CREBRF: variants seen among roughly 807,000 people sequenced by gnomAD.
CREBRF encodes the protein UPF0474 protein C5orf41.
In CREBRF, 5 loss-of-function variants were observed where a neutral mutation model predicts 66.1. That is an observed-to-expected ratio of 0.08 (90% CI 0.04 to 0.16). The LOEUF (loss-of-function observed/expected upper bound fraction) is 0.16, where lower values mean the gene tolerates loss of function less well. Ranked by LOEUF, CREBRF falls within the 10% of genes least tolerant of loss-of-function variation. The probability of loss-of-function intolerance (pLI) is 1.00; values close to 1 mark genes in which losing one functional copy is unlikely to be tolerated. For missense variants in CREBRF, 531 were observed against 744.9 expected, an observed-to-expected ratio of 0.71 and a Z score of 3.34; for synonymous variants, 229 against 264.4, an observed-to-expected ratio of 0.87 and a Z score of 1.30.
At chr5:173,078,132 A>G (rs899048353) in intron 1 of CREBRF, among the ~76,000 whole-genome samples, 1 of 152,224 alleles carries the variant, frequency 6.6e-6, no homozygotes, top group Non-Finnish European at 1.5e-5. Flanking sequence ...TTTTTGAAGA[A>G]ATACCAAACC....
At chr5:173,068,805 A>G (rs892299871) in intron 1 of CREBRF, among the ~76,000 whole-genome samples, 2 of 151,970 alleles carry the variant, frequency 1.3e-5, no homozygotes, top group African/African-American at 4.8e-5. Context: ...GCGGTGGCTC[A>G]CGCCTGTAAT....
At position 173,123,143 on chromosome 5, in the gene CREBRF, G is replaced by A. The variant is rs759020433; in HGVS notation, c.1745G>A (p.Arg582Lys). ...ATTGTAAACCGGGTACAGAATCCAA[G>A]AGATGAGAGAGGACCCAACATGGGG... ...QEIVNRVQNP[R>K]DERGPNMGQK... Residue 582 changes from arginine (R) to lysine (K), a missense_variant, in exon 8 of 9, where the codon AGA (arginine) becomes AAA (lysine). Transcript: ENST00000296953. 2 of 1,605,754 alleles carry A rather than the reference G, an allele frequency of 1.2e-6. No homozygotes were observed. The highest frequency in any genetic ancestry group is 1.7e-6 in the Non-Finnish European group (2 of 1,177,938).
At chr5:173,115,553 A>G (rs1268291566) in intron 7 of CREBRF, among the ~76,000 whole-genome samples, 1 of 152,110 alleles carries the variant, frequency 6.6e-6, no homozygotes, top group Non-Finnish European at 1.5e-5. Flanking sequence ...AGAAACATAG[A>G]TTTTTTGTTT....
chr5:173,128,615 A>G (rs1314880562), intron 8 of CREBRF, among the ~76,000 whole-genome samples: 1 of 152,030 alleles, frequency 6.6e-6, no homozygotes, highest in Non-Finnish European at 1.5e-5. Context: ...TATGAACTAC[A>G]GTTTTTATCA....
intron 4 of CREBRF, among the ~76,000 whole-genome samples, chr5:173,098,106 C>T (rs1413768643): frequency 6.6e-6 from 1 of 150,992 alleles, no homozygotes; most frequent in Non-Finnish European, 1.5e-5. Context: ...TTTTCTATTC[C>T]TCTTTTGATT....
chr5:173,109,394 T>A (rs948189072), intron 5 of CREBRF: 3 of 152,222 alleles, frequency 2.0e-5, no homozygotes, highest in African/African-American at 7.2e-5. Context: ...GAGGATCACT[T>A]GAGTCCAGGA....
rs1260479152 is a variant in CREBRF at position 173,080,770 on chromosome 5, T to C, written c.-6T>C. ...GGAATCGGATTCACAGGATCTGGGC[T>C]TGGAAATGCCTCAGGTAAATCATAC... is the stretch of plus-strand genomic sequence containing the variant. On this transcript the variant is annotated 5_prime_UTR_variant, in exon 2 of 9. Coordinates refer to ENST00000296953, the MANE Select transcript of CREBRF (RefSeq NM_153607.3). 8.7e-6 allele frequency: 14 copies of C among 1,613,654 alleles called. No individual in the cohort carries two copies. Among genetic ancestry groups the C allele is most frequent in the Non-Finnish European group, 1.2e-5 (14 of 1,179,724 alleles).
At chr5:173,101,409 G>C (rs1758625033) in intron 4 of CREBRF, among the ~76,000 whole-genome samples, 1 of 152,010 alleles carries the variant, frequency 6.6e-6, no homozygotes, top group African/African-American at 2.4e-5. Flanking sequence ...CTCTCTTCTA[G>C]CCTTCAAGGT....
Position 173,090,394 on chromosome 5 carries a change from A to G in CREBRF, c.215A>G (p.Glu72Gly). ...GACTGCAAAGACATTGAAAATCTGG[A>G]GTCTTTCACAGATGTCCTGGATAAT... ...LEDCKDIENLESFTDVLDNEG... is the reference protein window; with the variant it reads ...LEDCKDIENLGSFTDVLDNEG... The change falls in exon 4 of 9, where the codon GAG becomes GGG. Residue 72 changes from glutamate to glycine, a missense_variant. This residue lies in a region of CREBRF where 133 missense variants were observed against 215.6 expected (regional missense o/e 0.62). Transcript: ENST00000296953. This position sits in a 1 kb window ranked among gnomAD's most constrained non-coding sequence, Gnocchi z 4.5. 1 of 1,613,638 alleles carries G rather than the reference A, an allele frequency of 6.2e-7. No individual in the cohort carries two copies. The highest frequency in any genetic ancestry group is 8.5e-7 in the Non-Finnish European group (1 of 1,179,562).
chr5:173,117,599 T>TTCCTTCCTTCCC (rs1759027413), intron 7 of CREBRF, among the ~76,000 whole-genome samples: 1 of 41,968 alleles, frequency 2.4e-5, no homozygotes, highest in Non-Finnish European at 5.3e-5. Context: ...CCTTCCTTCC[T>TTCCTTCCTTCCC]TCCATCCCTC....
intron 1 of CREBRF, among the ~76,000 whole-genome samples, chr5:173,074,187 A>G (rs947626808): frequency 6.7e-6 from 1 of 150,196 alleles, no homozygotes; most frequent in Non-Finnish European, 1.5e-5. Flanking sequence ...CTGTAATCCC[A>G]CTACTTGGGA....
chr5:173,085,736 C>T lies in CREBRF; in HGVS notation c.10-765C>T, dbSNP rs961944503. ...CCGGCCATCAGATACATTCTTTAGGCCTTTCTGTGTGAGTGTAGAACACTC... is the reference window on the plus strand; with the variant it reads ...CCGGCCATCAGATACATTCTTTAGGTCTTTCTGTGTGAGTGTAGAACACTC... On this transcript the variant is annotated intron_variant, in intron 2 of 8. Coordinates refer to ENST00000296953, the MANE Select transcript of CREBRF (RefSeq NM_153607.3). The T allele has an allele frequency of 6.5e-6, 5 of 766,870 alleles. No homozygotes were observed. The African/African-American group carries it at 8.5e-5, about 13-fold the overall frequency. 47.5% of individuals were successfully genotyped at this position (766,870 alleles called of 1,614,324 possible).
chr5:173,071,495 C>T (rs930418356), intron 1 of CREBRF, among the ~76,000 whole-genome samples: 1 of 151,958 alleles, frequency 6.6e-6, no homozygotes, highest in African/African-American at 2.4e-5. Context: ...CAGGCATGAG[C>T]CACCGTGCCC....
At chr5:173,082,420 G>A (rs1345024867) in intron 2 of CREBRF, among the ~76,000 whole-genome samples, 1 of 151,956 alleles carries the variant, frequency 6.6e-6, no homozygotes, top group Non-Finnish European at 1.5e-5. Context: ...GGCTGGAAAA[G>A]TAGGGGGAAG....
chr5:173,078,046 T>C (rs1275326632), intron 1 of CREBRF, among the ~76,000 whole-genome samples: 7 of 152,220 alleles, frequency 4.6e-5, no homozygotes, highest in Non-Finnish European at 8.8e-5. Flanking sequence ...CATATCTGTT[T>C]GAGGCCCTGC....
intron 1 of CREBRF, among the ~76,000 whole-genome samples, chr5:173,061,942 G>A (rs1472464663): frequency 2.6e-5 from 4 of 152,232 alleles, no homozygotes; most frequent in East Asian, 1.9e-4. Flanking sequence ...AAGTGGAAGC[G>A]TAAAAGTTTA....
intron 8 of CREBRF, among the ~76,000 whole-genome samples, chr5:173,129,047 T>C (rs908903622): frequency 6.7e-6 from 1 of 148,634 alleles, no homozygotes; most frequent in Non-Finnish European, 1.5e-5. Flanking sequence ...CCCATAGTGC[T>C]GGGATTACAG....
intron 4 of CREBRF, among the ~76,000 whole-genome samples, chr5:173,099,565 AGG>A (rs1758564015): frequency 2.0e-5 from 3 of 152,172 alleles, no homozygotes; most frequent in Non-Finnish European, 4.4e-5. Flanking sequence ...TTGATAGGTA[AGG>A]ATTTACTGTT....
chr5:173,092,262 C>G (rs191750701), intron 4 of CREBRF: 4 of 979,532 alleles, frequency 4.1e-6, no homozygotes, highest in Non-Finnish European at 4.9e-6. Context: ...TTTGTGTCTG[C>G]TAACATTTTA....
Sources: gnomAD v4.1 joint callset for allele counts (sites outside exome capture counted in the v4.1 genomes callset) on GRCh38, gnomAD v4.1.1 for gene constraint, gnomAD v4.1.1 regional missense constraint, Gnocchi (gnomAD v3.1) non-coding constraint, MANE v1.5 for transcripts, NCBI Gene and HGNC (gene_info 2026-07-23, HGNC 2026-07-21) for gene names.